The following R3HDM1 variants were observed in gnomAD, a reference collection of about 807,000 sequenced individuals.
The protein encoded by R3HDM1 is R3H domain containing 1.
A neutral mutation model predicts 141.1 loss-of-function variants in R3HDM1; 46 were observed. The observed-to-expected ratio is 0.33, with a 90% CI of 0.26 to 0.42. The LOEUF is 0.42. Among genes scored for constraint, R3HDM1 ranks in the 10% least tolerant of loss-of-function variants. The pLI, the probability that R3HDM1 is intolerant of heterozygous loss-of-function variation, is 1.00. For synonymous variants in R3HDM1, 435 were observed against 472.9 expected (o/e 0.92, Z 1.04); for missense variants, 1,184 against 1,368.3 (o/e 0.87, Z 2.12).
At chr2:135,654,860 T>G (rs2065606905) in intron 18 of R3HDM1, among the ~76,000 whole-genome samples, 1 of 140,190 alleles carries the variant, frequency 7.1e-6, no homozygotes, top group Non-Finnish European at 1.5e-5. Context: ...TGTGTGTATA[T>G]AAAGTGTGTG....
At chr2:135,651,166 T>A (rs1439140644) in intron 17 of R3HDM1, 3 of 985,196 alleles carry the variant, frequency 3.0e-6, no homozygotes, top group Non-Finnish European at 3.6e-6. Flanking sequence ...AAGGGAAGAA[T>A]GGAATGTATG....
chr2:135,648,446 T>C (rs1307086191), intron 16 of R3HDM1, among the ~76,000 whole-genome samples: 3 of 152,130 alleles, frequency 2.0e-5, no homozygotes, highest in African/African-American at 7.2e-5. Flanking sequence ...ATTCCATTAG[T>C]TTATCTAACA....
intron 1 of R3HDM1, among the ~76,000 whole-genome samples, chr2:135,552,325 A>G (rs1699987109): frequency 6.6e-6 from 1 of 151,842 alleles, no homozygotes; most frequent in African/African-American, 2.4e-5. Flanking sequence ...CCTCCCAAAT[A>G]GCTGGGATTA....
intron 18 of R3HDM1, among the ~76,000 whole-genome samples, chr2:135,654,876 G>GTC (rs1469783635): frequency 2.0e-5 from 3 of 147,568 alleles, no homozygotes; most frequent in African/African-American, 7.5e-5. Context: ...GTGTGTGTGT[G>GTC]TGTGTGTGTG....
chr2:135,569,074 G>C (rs948282054), intron 1 of R3HDM1, among the ~76,000 whole-genome samples: 36 of 152,216 alleles, frequency 2.4e-4, no homozygotes, highest in African/African-American at 8.4e-4. Flanking sequence ...TTAAGTTTCA[G>C]TGGTTTAATA....
chr2:135,533,170 A>G (rs1695306210), intron 1 of R3HDM1, among the ~76,000 whole-genome samples: 1 of 152,212 alleles, frequency 6.6e-6, no homozygotes, highest in South Asian at 2.1e-4. Flanking sequence ...ATTGCCAGTC[A>G]TGTAGTAGTC....
chr2:135,531,848 C>G (rs1296980355), intron 1 of R3HDM1: 3 of 985,254 alleles, frequency 3.0e-6, no homozygotes, highest in Non-Finnish European at 3.6e-6. Context: ...GGTCGGGTTC[C>G]GAGTGAGCCA....
Position 135,576,366 on chromosome 2 carries a change from C to G in R3HDM1, c.-249-26134C>G, listed in dbSNP as rs117832306. Among the ~76,000 whole-genome samples the G allele has an allele frequency of 2.6e-4, 38 of 148,680 alleles. No individual in the cohort carries two copies. The East Asian group carries it at 6.5e-3, about 25-fold the overall frequency. On this transcript the variant is annotated intron_variant, in intron 1 of 26. Transcript: ENST00000683871. ...CCTGGGTGAAGGAGTGAGACCCTGT[C>G]GCAAAAAAAAAATAAAAAAAAGTGT...
At position 135,573,891 on chromosome 2, in the gene R3HDM1, A is replaced by T. The variant is rs565689773; in HGVS notation, c.-249-28609A>T. ...TCCCAGTAATATGGTGCTTTAATAAAAAAATTTATAGCAGTAAACACATTT... is the reference window on the plus strand; with the variant it reads ...TCCCAGTAATATGGTGCTTTAATAATAAAATTTATAGCAGTAAACACATTT... On this transcript the variant is annotated intron_variant, in intron 1 of 26. Transcript: ENST00000683871. 8.7e-4 allele frequency among the ~76,000 whole-genome samples: 133 copies of T among 152,296 alleles called. 1 individual carries two copies. The highest frequency in any genetic ancestry group is 6.8e-3 in the Middle Eastern group (2 of 294).
At chr2:135,649,685 A>G (rs2064928421) in intron 16 of R3HDM1, among the ~76,000 whole-genome samples, 1 of 152,230 alleles carries the variant, frequency 6.6e-6, no homozygotes, top group Non-Finnish European at 1.5e-5. Flanking sequence ...TCTCCTAATT[A>G]TGTAATAAAT....
At chr2:135,654,186 C>T (rs761991935) in intron 18 of R3HDM1, among the ~76,000 whole-genome samples, 1 of 151,934 alleles carries the variant, frequency 6.6e-6, no homozygotes, top group South Asian at 2.1e-4. Context: ...TATGGTTTTA[C>T]CTATTCTGAA....
chr2:135,557,301 A>C (rs1573766459), intron 1 of R3HDM1, among the ~76,000 whole-genome samples: 1 of 152,204 alleles, frequency 6.6e-6, no homozygotes, highest in Non-Finnish European at 1.5e-5. Flanking sequence ...TATTTAACGT[A>C]AGTATATCCT....
At position 135,640,094 on chromosome 2, in the gene R3HDM1, G is replaced by A. The variant is rs1319951155; in HGVS notation, c.1219+972G>A. On this transcript the variant is annotated intron_variant, in intron 14 of 26. Transcript: ENST00000683871. ...AGCCTGGGCAACAGAGCGAGACTCCGTCTCAAAAAAAAAAAAAAAAGGAAA... is the reference window on the plus strand; with the variant it reads ...AGCCTGGGCAACAGAGCGAGACTCCATCTCAAAAAAAAAAAAAAAAGGAAA... Among the ~76,000 whole-genome samples the A allele has an allele frequency of 6.9e-5, 10 of 145,216 alleles. No homozygotes were observed. The East Asian group carries it at 1.2e-3, about 18-fold the overall frequency.
chr2:135,531,552 A>G lies in R3HDM1; in HGVS notation c.-331A>G, dbSNP rs954890136. On this transcript the variant is annotated 5_prime_UTR_variant, in exon 1 of 27. Coordinates refer to ENST00000683871, the MANE Select transcript of R3HDM1 (RefSeq NM_001378107.1). ...GTGATGGGGTTAATTCCCTTTCGTA[A>G]GACTCTTACTTGCACCCACCCAGCC... is the stretch of plus-strand genomic sequence containing the variant. 1 of 985,650 alleles carries G rather than the reference A, an allele frequency of 1.0e-6. No individual in the cohort carries two copies. The highest frequency in any genetic ancestry group is 1.2e-6 in the Non-Finnish European group (1 of 829,958). The allele number at this position is 985,650 out of a possible 1,614,324, so 61.1% of individuals were successfully genotyped here.
chr2:135,626,654 C>T (rs955529534), intron 7 of R3HDM1, among the ~76,000 whole-genome samples: 2 of 152,086 alleles, frequency 1.3e-5, no homozygotes, highest in East Asian at 1.9e-4. Context: ...TAGATGCAAA[C>T]GTTTTTAAGT....
intron 16 of R3HDM1, chr2:135,649,231 A>AT (rs562474524): frequency 6.6e-6 from 1 of 151,830 alleles, no homozygotes; most frequent in African/African-American, 2.4e-5. Flanking sequence ...TGCCCGGCTA[A>AT]TTTTTTGTAT....
intron 21 of R3HDM1, among the ~76,000 whole-genome samples, chr2:135,684,337 C>A (rs2070947386): frequency 6.6e-6 from 1 of 152,186 alleles, no homozygotes; most frequent in Non-Finnish European, 1.5e-5. Flanking sequence ...GATCCGCCCA[C>A]CGTGGCCTCC....
intron 1 of R3HDM1, chr2:135,590,510 A>G: frequency 1.0e-6 from 1 of 961,082 alleles, no homozygotes; most frequent in Non-Finnish European, 1.2e-6. Context: ...GATGTGGTAG[A>G]CATAGCTAGG....
intron 21 of R3HDM1, among the ~76,000 whole-genome samples, chr2:135,682,300 A>C (rs1471979949): frequency 2.0e-5 from 3 of 152,086 alleles, no homozygotes; most frequent in African/African-American, 7.2e-5. Context: ...AGGGGCTTTC[A>C]TAAGGGAAGG....
Sources: gnomAD v4.1 joint callset for allele counts (sites outside exome capture counted in the v4.1 genomes callset) on GRCh38, gnomAD v4.1.1 for gene constraint, MANE v1.5 for transcripts, NCBI Gene and HGNC (gene_info 2026-07-23, HGNC 2026-07-21) for gene names.